WIPF2: variants seen among roughly 807,000 people sequenced by gnomAD.
WIPF2 encodes WAS/WASL-interacting protein family member 2.
A neutral mutation model predicts 38.8 loss-of-function variants in WIPF2; 23 were observed. The observed-to-expected ratio is 0.59, with a 90% CI of 0.43 to 0.84. The LOEUF (loss-of-function observed/expected upper bound fraction) is 0.84. Ranked by LOEUF, WIPF2 falls within the 40% of genes least tolerant of loss-of-function variation. WIPF2 has a pLI of 0.00. For missense variants in WIPF2, 574 were observed against 580.5 expected (o/e 0.99, Z 0.11); for synonymous variants, 210 against 223.2 (o/e 0.94, Z 0.53).
At chr17:40,270,252 G>C (rs1382620927) in intron 5 of WIPF2, among the ~76,000 whole-genome samples, 1 of 151,748 alleles carries the variant, frequency 6.6e-6, no homozygotes, top group Non-Finnish European at 1.5e-5. Flanking sequence ...TGTAGTCCCA[G>C]CTACTGGGGA....
intron 4 of WIPF2, among the ~76,000 whole-genome samples, chr17:40,263,956 A>G (rs2031995227): frequency 6.6e-6 from 1 of 152,158 alleles, no homozygotes; most frequent in Admixed American, 6.6e-5. Flanking sequence ...TGTACCCCAT[A>G]AATACATAAA....
chr17:40,220,596 TA>T (rs2030163625), intron 1 of WIPF2: 4 of 78,452 alleles, frequency 5.1e-5, no homozygotes, highest in Non-Finnish European at 9.7e-5. Context: ...TATATATATA[TA>T]TATATATATA....
intron 6 of WIPF2, among the ~76,000 whole-genome samples, chr17:40,274,913 CAGAG>C (rs1319085202): frequency 8.2e-5 from 10 of 121,882 alleles, no homozygotes; most frequent in African/African-American, 2.2e-4. Flanking sequence ...GCCTGGGCGA[CAGAG>C]AGAGAATCTG....
chr17:40,220,579 AT>A (rs2030145273), intron 1 of WIPF2: 2 of 31,844 alleles, frequency 6.3e-5, no homozygotes, highest in East Asian at 2.4e-3. Context: ...GTGTGTATAT[AT>A]ATATATATAT....
chr17:40,244,309 G>GTGAC (rs1243416115), intron 1 of WIPF2, among the ~76,000 whole-genome samples: 1 of 152,130 alleles, frequency 6.6e-6, no homozygotes, highest in Non-Finnish European at 1.5e-5. Context: ...GGAGTGGCAT[G>GTGAC]TGACTACTCT....
intron 1 of WIPF2, among the ~76,000 whole-genome samples, chr17:40,220,151 T>G (rs59267916): frequency 0.016 from 2,392 of 152,030 alleles, 63 homozygotes; most frequent in African/African-American, 0.053. Flanking sequence ...ATTTTTTTTT[T>G]TTTGTTTTAA....
intron 1 of WIPF2, among the ~76,000 whole-genome samples, chr17:40,246,612 G>A (rs1227844287): frequency 6.6e-6 from 1 of 151,130 alleles, no homozygotes; most frequent in Non-Finnish European, 1.5e-5. Flanking sequence ...GGCCAGGTTG[G>A]TCTTGAACTC....
chr17:40,278,334 A>G lies in WIPF2; in HGVS notation c.*109A>G. 1 of 1,315,510 alleles carries G rather than the reference A, an allele frequency of 7.6e-7. No individual in the cohort carries two copies. Among genetic ancestry groups the G allele is most frequent in the Non-Finnish European group, 1.1e-6 (1 of 937,586 alleles). The allele number at this position is 1,315,510 out of a possible 1,614,324, so 81.5% of individuals were successfully genotyped here. A position where few individuals can be genotyped will look rare whatever the true frequency, so the allele number is the denominator to read the frequency against. The stretch of plus-strand genomic sequence containing the variant: ...ATGAGAGCTCCTAACATGTTTCTCC[A>G]ATGCAATCAAGCCCTAGACTCCAAA... On this transcript the variant is annotated 3_prime_UTR_variant, in exon 8 of 8. Transcript: ENST00000323571.
In WIPF2 at chr17:40,264,977, C is replaced by T. The variant is rs775182844; in HGVS notation, c.801C>T (p.Ser267=). The part of the protein sequence containing the change: ...QPPGVPNGPS[S]PTNESAPELP... ...CTGGGGTCCCCAATGGACCCTCTAG[C>T]CCCACTAATGAGTCAGCCCCTGAGC... The change falls in exon 5 of 8, where the codon AGC becomes AGT. Residue 267 remains serine (S), a synonymous_variant. Transcript: ENST00000323571. The T allele has an allele frequency of 1.9e-6, 3 of 1,614,042 alleles. No individual in the cohort carries two copies. The highest frequency in any genetic ancestry group is 4.5e-5 in the East Asian group (2 of 44,884).
intron 3 of WIPF2, 84 bp downstream of exon 3, chr17:40,260,751 G>T: frequency 6.3e-7 from 1 of 1,575,334 alleles, no homozygotes; most frequent in Non-Finnish European, 8.7e-7. Context: ...TTTTTATTGG[G>T]CCTTGAGTGG....
chr17:40,231,343 A>C (rs2030730668), intron 1 of WIPF2, among the ~76,000 whole-genome samples: 1 of 151,578 alleles, frequency 6.6e-6, no homozygotes, highest in Admixed American at 6.6e-5. Flanking sequence ...CATCTGTTTA[A>C]GTTTTCTTTC....
At chr17:40,260,854 G>C (rs1224712659) in intron 3 of WIPF2, 187 bp downstream of exon 3, 1 of 791,210 alleles carries the variant, frequency 1.3e-6, no homozygotes, top group South Asian at 1.5e-5. Flanking sequence ...AGCATCTCAG[G>C]ATTAAGGTTA....
intron 2 of WIPF2, 32 bp downstream of exon 2, chr17:40,256,554 A>C: frequency 6.3e-7 from 1 of 1,576,350 alleles, no homozygotes; most frequent in Non-Finnish European, 8.6e-7. Flanking sequence ...CTATCTCAAA[A>C]CCTTTGAGTA....
chr17:40,234,387 T>C (rs9912082), intron 1 of WIPF2, among the ~76,000 whole-genome samples: 22,168 of 151,720 alleles, frequency 0.15, 1,703 homozygotes, highest in East Asian at 0.29. Flanking sequence ...GAGCTGAGAT[T>C]GCGCCACTGC....
chr17:40,256,791 A>G (rs2031743361), intron 2 of WIPF2, among the ~76,000 whole-genome samples: 1 of 152,130 alleles, frequency 6.6e-6, no homozygotes, highest in Non-Finnish European at 1.5e-5. Context: ...CATCTTTTTC[A>G]GCTGGTTCTG....
intron 7 of WIPF2, 88 bp from the exon 8 acceptor site, chr17:40,278,097 G>A: frequency 1.4e-6 from 2 of 1,443,738 alleles, no homozygotes; most frequent in South Asian, 2.4e-5. Flanking sequence ...AGCTTAAAGA[G>A]CCTGTCTCTC....
intron 1 of WIPF2, among the ~76,000 whole-genome samples, chr17:40,222,600 T>TGTGTGTGTGTGTCTGC (rs750121581): frequency 3.2e-4 from 48 of 149,852 alleles, no homozygotes; most frequent in Middle Eastern, 3.5e-3. Context: ...TGTGTGTGTG[T>TGTGTGTGTGTGTCTGC]GTGTGTCTGC....
intron 2 of WIPF2, among the ~76,000 whole-genome samples, chr17:40,257,334 C>T (rs758352548): frequency 7.9e-5 from 12 of 151,992 alleles, no homozygotes; most frequent in East Asian, 1.9e-4. Context: ...TATTCAAAAT[C>T]AGTTCATTTT....
At chr17:40,253,879 G>T (rs985419298) in intron 1 of WIPF2, among the ~76,000 whole-genome samples, 1 of 152,002 alleles carries the variant, frequency 6.6e-6, no homozygotes, top group Non-Finnish European at 1.5e-5. Flanking sequence ...TAGAACTGTT[G>T]GAAAAATTTC....
Sources: gnomAD v4.1 joint callset for allele counts (sites outside exome capture counted in the v4.1 genomes callset) on GRCh38, gnomAD v4.1.1 for gene constraint, MANE v1.5 for transcripts, NCBI Gene and HGNC (gene_info 2026-07-23, HGNC 2026-07-21) for gene names.